DLGAP1: variants seen among roughly 807,000 people sequenced by gnomAD.
DLGAP1 encodes the protein DLG associated protein 1, also known as disks large-associated protein 1.
A neutral mutation model predicts 90.8 loss-of-function variants in DLGAP1; 11 were observed. The observed-to-expected ratio is 0.12, with a 90% CI of 0.08 to 0.20. The LOEUF is 0.20. DLGAP1 is among the 10% of genes least tolerant of loss of function. The pLI, the probability that DLGAP1 is intolerant of heterozygous loss-of-function variation, is 1.00. For missense variants in DLGAP1, 1,050 were observed against 1,333.8 expected (o/e 0.79, Z 3.31); for synonymous variants, 558 against 540.7 (o/e 1.03, Z -0.44).
intron 1 of DLGAP1, among the ~76,000 whole-genome samples, chr18:4,200,282 T>A (rs1264848868): frequency 1.3e-5 from 2 of 152,028 alleles, no homozygotes; most frequent in South Asian, 2.1e-4. Context: ...TTCAGAAATA[T>A]GCCCTCATAA....
intron 10 of DLGAP1, among the ~76,000 whole-genome samples, chr18:3,522,806 G>A (rs1416898028): frequency 6.6e-6 from 1 of 152,030 alleles, no homozygotes; most frequent in East Asian, 1.9e-4. Context: ...GCCTTCCAAA[G>A]AGCTGGGATT....
chr18:3,725,412 C>G (rs754577892), intron 7 of DLGAP1, among the ~76,000 whole-genome samples: 3 of 152,164 alleles, frequency 2.0e-5, no homozygotes, highest in Non-Finnish European at 4.4e-5. Flanking sequence ...TTAATCCAAT[C>G]CTCTGAAGTG....
intron 1 of DLGAP1, among the ~76,000 whole-genome samples, chr18:4,257,194 A>G (rs1258683712): frequency 6.6e-6 from 1 of 152,234 alleles, no homozygotes; most frequent in Non-Finnish European, 1.5e-5. Flanking sequence ...GTAAGCAGAA[A>G]GCTATTGTGA....
intron 2 of DLGAP1, among the ~76,000 whole-genome samples, chr18:4,115,257 G>C (rs951568604): frequency 2.7e-5 from 4 of 150,728 alleles, no homozygotes; most frequent in Admixed American, 6.6e-5. Flanking sequence ...CCTCTTTTGG[G>C]TACTATTAAT....
intron 11 of DLGAP1, among the ~76,000 whole-genome samples, chr18:3,507,726 A>G (rs2050315578): frequency 7.6e-6 from 1 of 130,814 alleles, no homozygotes; most frequent in African/African-American, 2.8e-5. Context: ...AATAAAAGCT[A>G]TTCTTGAAGG....
intron 2 of DLGAP1, among the ~76,000 whole-genome samples, chr18:4,019,047 T>TTC (rs2074567520): frequency 6.6e-6 from 1 of 152,246 alleles, no homozygotes; most frequent in Non-Finnish European, 1.5e-5. Flanking sequence ...TTAATGACTC[T>TTC]TCCTGCTTGG....
intron 7 of DLGAP1, among the ~76,000 whole-genome samples, chr18:3,673,171 G>C (rs2060160958): frequency 6.6e-6 from 1 of 152,082 alleles, no homozygotes; most frequent in East Asian, 1.9e-4. Context: ...CCACACCTCT[G>C]TGCGTGCCTG....
intron 1 of DLGAP1, among the ~76,000 whole-genome samples, chr18:4,446,439 AAGCAGCAGCAGC>A (rs139464015): frequency 4.0e-5 from 6 of 151,240 alleles, no homozygotes; most frequent in Non-Finnish European, 7.4e-5. Flanking sequence ...TTGTGAAGTC[AAGCAGCAGCAGC>A]AGCAGCAGCA....
chr18:4,227,052 G>A (rs1001163526), intron 1 of DLGAP1, among the ~76,000 whole-genome samples: 177 of 151,800 alleles, frequency 1.2e-3, no homozygotes, highest in African/African-American at 4.1e-3. Context: ...AAAAGAGCAC[G>A]GTAGCTATAC....
intron 1 of DLGAP1, among the ~76,000 whole-genome samples, chr18:4,262,452 G>C (rs908421950): frequency 1.3e-5 from 2 of 152,166 alleles, no homozygotes; most frequent in Non-Finnish European, 2.9e-5. Flanking sequence ...GCACCGTCAG[G>C]AATCAGTGGC....
chr18:3,766,470 A>G (rs1278316190), intron 5 of DLGAP1, among the ~76,000 whole-genome samples: 1 of 152,166 alleles, frequency 6.6e-6, no homozygotes, highest in Non-Finnish European at 1.5e-5. Flanking sequence ...CCATAAACCA[A>G]TAGACTCAAA....
intron 2 of DLGAP1, among the ~76,000 whole-genome samples, chr18:4,061,723 G>C (rs1215206693): frequency 6.6e-6 from 1 of 152,124 alleles, no homozygotes; most frequent in Non-Finnish European, 1.5e-5. Context: ...CTATAATTCT[G>C]ATATGACTTA....
intron 7 of DLGAP1, among the ~76,000 whole-genome samples, chr18:3,670,262 T>C (rs557531962): frequency 4.9e-4 from 75 of 152,274 alleles, no homozygotes; most frequent in Non-Finnish European, 6.6e-4. Context: ...ATGGTGCCAA[T>C]AGCTACTAAC....
At position 3,526,146 on chromosome 18, in the gene DLGAP1, T is replaced by C. The variant is rs2051603894; in HGVS notation, c.2479+8048A>G. On this transcript the variant is annotated intron_variant, in intron 10 of 12. Transcript: ENST00000315677. The surrounding 1 kb of genome is among the most constrained non-coding windows in gnomAD (Gnocchi z 4.7). Reference sequence around the variant, plus strand: ...TGTGTGGTGGAGTGGGAGGGACCTTTTGAGGGTTCATTGCAAGAGTTAGAT... The same window carrying C: ...TGTGTGGTGGAGTGGGAGGGACCTTCTGAGGGTTCATTGCAAGAGTTAGAT... Among the ~76,000 whole-genome samples, 1 of 152,122 alleles carries C rather than the reference T, an allele frequency of 6.6e-6. No individual in the cohort carries two copies. Among genetic ancestry groups the C allele is most frequent in the Non-Finnish European group, 1.5e-5 (1 of 68,026 alleles).
chr18:4,121,463 AC>A (rs1025834779), intron 2 of DLGAP1, among the ~76,000 whole-genome samples: 5 of 151,606 alleles, frequency 3.3e-5, no homozygotes, highest in African/African-American at 9.7e-5. Flanking sequence ...AGAACCCCTC[AC>A]CCCCCGTCCT....
intron 2 of DLGAP1, among the ~76,000 whole-genome samples, chr18:4,116,965 C>A (rs1479974014): frequency 1.3e-5 from 2 of 152,198 alleles, no homozygotes; most frequent in African/African-American, 4.8e-5. Flanking sequence ...AAGTCCTAAC[C>A]TCCAATATCT....
intron 5 of DLGAP1, among the ~76,000 whole-genome samples, chr18:3,753,044 G>T (rs1245134512): frequency 6.6e-6 from 1 of 152,096 alleles, no homozygotes; most frequent in East Asian, 1.9e-4. Context: ...AAACATTTGA[G>T]ATAAATGAGC....
chr18:3,819,410 C>T (rs369546285), intron 4 of DLGAP1, among the ~76,000 whole-genome samples: 12 of 152,138 alleles, frequency 7.9e-5, no homozygotes, highest in African/African-American at 2.4e-4. Context: ...AATGCTAAAA[C>T]GTGTAAACTA....
intron 1 of DLGAP1, among the ~76,000 whole-genome samples, chr18:4,324,860 A>G (rs1305533394): frequency 6.6e-6 from 1 of 152,188 alleles, no homozygotes; most frequent in African/African-American, 2.4e-5. Context: ...CTGAAGGAAT[A>G]TATTTCAAAA....
Sources: allele counts gnomAD v4.1 joint callset (sites outside exome capture counted in the v4.1 genomes callset), GRCh38; gene constraint gnomAD v4.1.1; non-coding constraint Gnocchi (gnomAD v3.1); transcripts MANE v1.5; gene names NCBI Gene and HGNC (gene_info 2026-07-23, HGNC 2026-07-21).